GOLGA8S: variants seen among roughly 807,000 people sequenced by gnomAD.
GOLGA8S encodes golgin subfamily A member 8S.
GOLGA8S carries 23 observed loss-of-function variants against 58.9 expected under a neutral mutation model. The observed-to-expected ratio is 0.39, with a 90% confidence interval of 0.28 to 0.55. GOLGA8S has a LOEUF of 0.55. Among genes scored for constraint, GOLGA8S ranks in the 20% least tolerant of loss-of-function variants. GOLGA8S has a pLI of 0.63. For synonymous variants in GOLGA8S, 84 were observed against 195.7 expected (o/e 0.43, Z 4.76); for missense variants, 266 against 514.2 (o/e 0.52, Z 4.67).
intron 13 of GOLGA8S, among the ~76,000 whole-genome samples, chr15:23,362,731 G>T (rs1372951260): frequency 2.9e-4 from 41 of 142,606 alleles, no homozygotes; most frequent in African/African-American, 1.1e-3. Context: ...GGGGCCAGGG[G>T]CCTGGGCAGG....
At position 23,364,513 on chromosome 15, in the gene GOLGA8S, T is replaced by C. The variant is rs2344793; in HGVS notation, c.1449-13T>C. 4,104 of 1,599,634 alleles carry C rather than the reference T, an allele frequency of 2.6e-3. 42 individuals are homozygous for C. The highest frequency in any genetic ancestry group is 2.9e-3 in the Non-Finnish European group (3,356 of 1,175,394). On this transcript the variant is annotated splice_polypyrimidine_tract_variant and intron_variant, in intron 16 of 18. Transcript: ENST00000562295. ...CGGAGGGGCCCCAGCGTCTGAGCCC[T>C]GTCCTCCCGCAGGAAAATCCATCAC...
In GOLGA8S at chr15:23,364,411, C is replaced by T. The variant is rs760101664; in HGVS notation, c.1416C>T (p.Arg472=). 6 of 1,604,436 alleles carry T rather than the reference C, an allele frequency of 3.7e-6. No homozygotes were observed. In the African/African-American group the frequency reaches 4.0e-5, roughly 11 times the overall value. The change falls in exon 16 of 19, where the codon CGC becomes CGT. Residue 472 remains arginine, a synonymous_variant. Coordinates refer to ENST00000562295, the Ensembl canonical transcript of GOLGA8S. ...AGCTGGTGAAGAAACAAGAACTTCG[C>T]TTCATTCAATACTGGCAAGAGAGAT...
rs1299687239 is a variant in GOLGA8S at position 23,363,816 on chromosome 15, T to C, written c.1347+47T>C. ...CCCATTTTGCCACCTTTCTCTGTGG[T>C]CCCTCCAAGACCCCTTTATGCTCTT... On this transcript the variant is annotated intron_variant, in intron 15 of 18. Transcript: ENST00000562295. The C allele has an allele frequency of 1.2e-5, 6 of 521,506 alleles. 1 individual carries two copies. Among genetic ancestry groups the C allele is most frequent in the Admixed American group, 3.3e-5 (1 of 29,948 alleles). The allele number at this position is 521,506 out of a possible 1,614,324, so 32.3% of individuals were successfully genotyped here.
downstream of GOLGA8S, chr15:23,365,445 T>C (rs2069904759): frequency 2.0e-6 from 1 of 493,510 alleles, no homozygotes; most frequent in African/African-American, 1.9e-5. Flanking sequence ...GACCCACTCT[T>C]TGCCCAAAAC....
downstream of GOLGA8S, among the ~76,000 whole-genome samples, chr15:23,367,860 T>C (rs1406062978): frequency 6.6e-6 from 1 of 151,822 alleles, no homozygotes; most frequent in Non-Finnish European, 1.5e-5. Flanking sequence ...TGGCAATATA[T>C]AATAATCATT....
chr15:23,364,261 C>G, intron 15 of GOLGA8S, 82 bp from the exon 16 acceptor site: 1 of 1,570,998 alleles, frequency 6.4e-7, no homozygotes, highest in Non-Finnish European at 8.6e-7. Context: ...TGCCAGGACT[C>G]ACCTCCACCT....
intron 8 of GOLGA8S, among the ~76,000 whole-genome samples, chr15:23,359,717 T>A (rs1474527460): frequency 4.2e-5 from 6 of 143,058 alleles, no homozygotes; most frequent in African/African-American, 1.6e-4. Context: ...TTTCAAAAAG[T>A]GAACAAAAGA....
In GOLGA8S at chr15:23,364,492, G is replaced by A. The variant is rs904752656; in HGVS notation, c.1449-34G>A. On this transcript the variant is annotated intron_variant, in intron 16 of 18. Coordinates refer to ENST00000562295, the Ensembl canonical transcript of GOLGA8S. ...CAGGGGGAGCTACAGGGCCGTCGGA[G>A]GGGCCCCAGCGTCTGAGCCCTGTCC... is the stretch of plus-strand genomic sequence containing the variant. The A allele has an allele frequency of 5.0e-6, 8 of 1,605,254 alleles. No individual in the cohort carries two copies. In the African/African-American group the frequency reaches 6.7e-5, roughly 13 times the overall value.
chr15:23,357,819 C>T (rs1300353941), intron 4 of GOLGA8S, among the ~76,000 whole-genome samples, 200 bp downstream of exon 4: 2 of 149,760 alleles, frequency 1.3e-5, no homozygotes, highest in African/African-American at 2.5e-5. Flanking sequence ...ACTCTCCCCT[C>T]TCCAGATGCC....
At chr15:23,365,139 C>G, downstream of GOLGA8S, 16 of 1,586,710 alleles carry the variant, frequency 1.0e-5, 1 homozygote, top group South Asian at 4.4e-5. Flanking sequence ...AGATAAACAT[C>G]ACCATCATCA....
At chr15:23,365,308 T>A (rs2069902239), downstream of GOLGA8S, 1 of 730,286 alleles carries the variant, frequency 1.4e-6, no homozygotes. Context: ...AGAGAGTGGG[T>A]GTCTGTGGCT....
In GOLGA8S at chr15:23,359,977, C is replaced by G. The variant is rs373691481; in HGVS notation, c.592-255C>G. Among the ~76,000 whole-genome samples the G allele has an allele frequency of 2.7e-5, 4 of 149,714 alleles. No individual in the cohort carries two copies. In the East Asian group the frequency reaches 7.7e-4, roughly 29 times the overall value. ...GTGAAGCACTCCATAAAAGTTCAAA[C>G]AGTGGTAATAATAACAGTAATAACA... On this transcript the variant is annotated intron_variant, in intron 8 of 18. Coordinates refer to ENST00000562295, the Ensembl canonical transcript of GOLGA8S.
In GOLGA8S at chr15:23,361,473, G is replaced by T. The variant is rs1446839772; in HGVS notation, c.1110+17G>T. The stretch of plus-strand genomic sequence containing the variant: ...AAGGAGCTGGTGCGTTGCCCCAGCT[G>T]GGGAGCCTGCCCTCCTCCCTAGCCC... On this transcript the variant is annotated intron_variant, in intron 12 of 18. Coordinates refer to ENST00000562295, the Ensembl canonical transcript of GOLGA8S. The T allele has an allele frequency of 5.2e-6, 4 of 772,210 alleles. No homozygotes were observed. The highest frequency in any genetic ancestry group is 9.3e-6 in the Non-Finnish European group (4 of 428,708). 47.8% of individuals were successfully genotyped at this position (772,210 alleles called of 1,614,324 possible).
In GOLGA8S at chr15:23,364,450, G is replaced by T. The variant is rs1380199557; in HGVS notation, c.1448+7G>T. The T allele has an allele frequency of 1.9e-6, 3 of 1,604,792 alleles. No individual in the cohort carries two copies. Among genetic ancestry groups the T allele is most frequent in the Non-Finnish European group, 2.5e-6 (3 of 1,178,938 alleles). On this transcript the variant is annotated splice_region_variant and intron_variant, in intron 16 of 18. Transcript: ENST00000562295. ...GGCAAGAGAGATGCCATCAGTGAGT[G>T]GGAGGCCAGGGCACAGCAGGGGGAG... is the stretch of plus-strand genomic sequence containing the variant.
chr15:23,362,731 G>GCCAGGGT (rs2069822854), intron 13 of GOLGA8S, among the ~76,000 whole-genome samples: 1 of 142,520 alleles, frequency 7.0e-6, no homozygotes, highest in Non-Finnish European at 1.5e-5. Context: ...GGGGCCAGGG[G>GCCAGGGT]CCTGGGCAGG....
chr15:23,361,173 T>TCTTTTC (rs370868334), intron 11 of GOLGA8S, 48 bp from the exon 12 acceptor site: 181 of 1,141,820 alleles, frequency 1.6e-4, no homozygotes, highest in Non-Finnish European at 2.1e-4. Context: ...TCTTTTCTTT[T>TCTTTTC]TTTTTTTTTG....
At chr15:23,365,176 A>T (rs2141031469), downstream of GOLGA8S, 2 of 1,573,470 alleles carry the variant, frequency 1.3e-6, no homozygotes, top group East Asian at 4.5e-5. Context: ...ATTTTTAAAT[A>T]AGAAACCAAG....
At chr15:23,361,169 C>CTTTTCTTTTCTTTTCTTTTCTT (rs1555463281) in intron 11 of GOLGA8S, 52 bp from the exon 12 acceptor site, 1 of 662,744 alleles carries the variant, frequency 1.5e-6, no homozygotes, top group African/African-American at 2.5e-5. Flanking sequence ...CTTTTCTTTT[C>CTTTTCTTTTCTTTTCTTTTCTT]TTTTTTTTTT....
intron 13 of GOLGA8S, among the ~76,000 whole-genome samples, chr15:23,362,600 C>T (rs1337303411): frequency 7.2e-6 from 1 of 139,558 alleles, no homozygotes; most frequent in African/African-American, 2.8e-5. Flanking sequence ...TTGGCTCCCA[C>T]TACTTTTCTA....
Sources: allele counts gnomAD v4.1 joint callset (sites outside exome capture counted in the v4.1 genomes callset), GRCh38; gene constraint gnomAD v4.1.1; transcripts MANE v1.5; gene names NCBI Gene and HGNC (gene_info 2026-07-23, HGNC 2026-07-21).